Variants in YES1 observed in about 807,000 individuals in gnomAD.
YES1 encodes the protein YES proto-oncogene 1, Src family tyrosine kinase, also known as tyrosine-protein kinase Yes.
In YES1, 39 loss-of-function variants were observed where a neutral mutation model predicts 70.4. The observed-to-expected ratio is 0.55, with a 90% CI of 0.43 to 0.72. The LOEUF (loss-of-function observed/expected upper bound fraction) is 0.72. YES1 is among the 30% of genes least tolerant of loss of function. The pLI, the probability that YES1 is intolerant of heterozygous loss-of-function variation, is 0.00. For missense variants in YES1, 495 were observed against 644.8 expected, an observed-to-expected ratio of 0.77 and a Z score of 2.52; for synonymous variants, 198 against 218.6, an observed-to-expected ratio of 0.91 and a Z score of 0.83.
In YES1 at chr18:790,992, A is replaced by T. The variant is rs975118948; in HGVS notation, c.-9+21122T>A. 9.2e-5 allele frequency among the ~76,000 whole-genome samples: 14 copies of T among 152,220 alleles called. No homozygotes were observed. The East Asian group carries it at 2.3e-3, about 25-fold the overall frequency. On this transcript the variant is annotated intron_variant, in intron 1 of 11. Coordinates refer to ENST00000314574, the MANE Select transcript of YES1 (RefSeq NM_005433.4). ...AGGCTGGGTGCAGTGGCTCAAGCCT[A>T]TAATCCCAGCATTTTGGAAGGCCAG...
intron 1 of YES1, among the ~76,000 whole-genome samples, chr18:783,576 C>G (rs986125278): frequency 3.3e-5 from 5 of 151,876 alleles, no homozygotes; most frequent in South Asian, 2.1e-4. Flanking sequence ...TTCCCTACCC[C>G]CAACAGATTT....
chr18:785,862 C>T (rs1313362243), intron 1 of YES1, among the ~76,000 whole-genome samples: 5 of 151,998 alleles, frequency 3.3e-5, no homozygotes, highest in African/African-American at 1.2e-4. Flanking sequence ...CACTTGAGGC[C>T]AGGAGTTCAA....
intron 1 of YES1, among the ~76,000 whole-genome samples, chr18:799,863 C>G (rs895542149): frequency 6.6e-6 from 1 of 151,352 alleles, no homozygotes; most frequent in African/African-American, 2.4e-5. Flanking sequence ...CCAGCCTGGG[C>G]TAAAGAACGA....
chr18:785,340 T>C (rs1905880360), intron 1 of YES1, among the ~76,000 whole-genome samples: 1 of 152,130 alleles, frequency 6.6e-6, no homozygotes, highest in Non-Finnish European at 1.5e-5. Context: ...AAATAGGTCT[T>C]AAAAGGAAAC....
At position 804,915 on chromosome 18, in the gene YES1, A is replaced by AAAAAAAAAAC. The variant is rs1907018487; in HGVS notation, c.-9+7198_-9+7199insGTTTTTTTTT. Among the ~76,000 whole-genome samples, 2 of 151,372 alleles carry AAAAAAAAAAC rather than the reference A, an allele frequency of 1.3e-5. 1 individual carries two copies. Among genetic ancestry groups the AAAAAAAAAAC allele is most frequent in the African/African-American group, 4.8e-5 (2 of 41,242 alleles). On this transcript the variant is annotated intron_variant, in intron 1 of 11. Coordinates refer to ENST00000314574, the MANE Select transcript of YES1 (RefSeq NM_005433.4). Reference sequence around the variant, plus strand: ...GGCGACAGAGTGAGACTCTGACTCAAAAAAAAAAAACACAAACCAAAAACC... The same window carrying AAAAAAAAAAC: ...GGCGACAGAGTGAGACTCTGACTCAAAAAAAAAAACAAAAAAAAAACACAAACCAAAAACC...
chr18:723,394 C>CAA lies in YES1; in HGVS notation c.*1029_*1030insTT, dbSNP rs56342716. ...ATCCCTCTAACTTGTAAAACTTTCA[C>CAA]TTTCTTTTCTCGTATTTCTTTTAAA... On this transcript the variant is annotated 3_prime_UTR_variant, in exon 12 of 12. Transcript: ENST00000314574. 6.6e-6 allele frequency: 1 copy of CAA among 152,140 alleles called. No homozygotes were observed. Among genetic ancestry groups the CAA allele is most frequent in the Non-Finnish European group, 1.5e-5 (1 of 67,920 alleles). The allele number at this position is 152,140 out of a possible 1,614,324, so 9.4% of individuals were successfully genotyped here. A position where few individuals can be genotyped will look rare whatever the true frequency, so the allele number is the denominator to read the frequency against.
At chr18:762,258 T>A (rs959911162) in intron 1 of YES1, among the ~76,000 whole-genome samples, 11 of 152,196 alleles carry the variant, frequency 7.2e-5, no homozygotes, top group Admixed American at 7.2e-4. Context: ...AGGCAGAGGC[T>A]GCGGTGAGCC....
intron 1 of YES1, among the ~76,000 whole-genome samples, chr18:785,584 C>A (rs555707650): frequency 6.6e-6 from 1 of 152,230 alleles, no homozygotes; most frequent in East Asian, 1.9e-4. Context: ...TTTGAATATG[C>A]ACCCAAAGTT....
rs193091140 is a variant in YES1 at position 743,475 on chromosome 18, G to A, written c.725-60C>T. On this transcript the variant is annotated intron_variant, in intron 6 of 11. Coordinates refer to ENST00000314574, the MANE Select transcript of YES1 (RefSeq NM_005433.4). ...TTACAAAAATTAAGGGGCATATAGT[G>A]TATCAATGTTTTAAGTTTAAACTGT... 2.1e-3 allele frequency: 2,885 copies of A among 1,351,654 alleles called. 5 individuals are homozygous for A. Among genetic ancestry groups the A allele is most frequent in the Middle Eastern group, 6.3e-3 (25 of 3,950 alleles). 83.7% of individuals were successfully genotyped at this position (1,351,654 alleles called of 1,614,324 possible).
chr18:791,732 T>C (rs1405678774), intron 1 of YES1, among the ~76,000 whole-genome samples: 1 of 152,192 alleles, frequency 6.6e-6, no homozygotes, highest in Non-Finnish European at 1.5e-5. Flanking sequence ...AGTTGAATTA[T>C]TCTACATTCT....
chr18:743,499 G>A, intron 6 of YES1, 84 bp from the exon 7 acceptor site: 2 of 1,167,094 alleles, frequency 1.7e-6, no homozygotes, highest in South Asian at 2.4e-5. Context: ...AGTTTAAACT[G>A]TAGAAAAACA....
chr18:763,965 G>GA (rs1454948029), intron 1 of YES1, among the ~76,000 whole-genome samples: 2 of 151,472 alleles, frequency 1.3e-5, no homozygotes, highest in African/African-American at 2.4e-5. Flanking sequence ...ACAAAAAATA[G>GA]AAAAAATCAG....
At chr18:767,164 A>AT (rs967354332) in intron 1 of YES1, among the ~76,000 whole-genome samples, 4 of 151,924 alleles carry the variant, frequency 2.6e-5, no homozygotes, top group Non-Finnish European at 5.9e-5. Context: ...TTCAAAAAAA[A>AT]TTTTTTTTGA....
chr18:807,050 G>C (rs1907135172), intron 1 of YES1, among the ~76,000 whole-genome samples: 1 of 152,206 alleles, frequency 6.6e-6, no homozygotes, highest in African/African-American at 2.4e-5. Flanking sequence ...CAGGTGGACT[G>C]CTGGAGCCTA....
chr18:772,199 T>C (rs1905191510), intron 1 of YES1, among the ~76,000 whole-genome samples: 1 of 151,560 alleles, frequency 6.6e-6, no homozygotes, highest in Non-Finnish European at 1.5e-5. Flanking sequence ...CCAGCTAATT[T>C]TGTATTTTCA....
At chr18:737,089 G>T in intron 9 of YES1, 128 bp from the exon 10 acceptor site, 1 of 780,388 alleles carries the variant, frequency 1.3e-6, no homozygotes, top group Non-Finnish European at 2.0e-6. Context: ...GATGGTAACA[G>T]GGTATAGTCT....
intron 1 of YES1, among the ~76,000 whole-genome samples, chr18:786,017 G>A (rs551889673): frequency 1.3e-5 from 2 of 152,294 alleles, no homozygotes; most frequent in East Asian, 3.9e-4. Flanking sequence ...ACAGCAAGAA[G>A]AAGGCCCTTG....
chr18:804,558 C>T (rs185803922), intron 1 of YES1, among the ~76,000 whole-genome samples: 4 of 131,774 alleles, frequency 3.0e-5, no homozygotes, highest in African/African-American at 1.2e-4. Flanking sequence ...TGCAGTGAGC[C>T]GAGATTGCAC....
rs936318410 is a variant in YES1, at chr18:724,149, C to G, written c.*275G>C. The G allele has an allele frequency of 6.3e-6, 2 of 316,460 alleles. No homozygotes were observed. Among genetic ancestry groups the G allele is most frequent in the African/African-American group, 4.2e-5 (2 of 47,672 alleles). The allele number at this position is 316,460 out of a possible 1,614,324, so 19.6% of individuals were successfully genotyped here. On this transcript the variant is annotated 3_prime_UTR_variant, in exon 12 of 12. Transcript: ENST00000314574. Reference sequence around the variant, plus strand: ...GATTTATAAATAAGCAGGAGCCTCACTGTCCTTCATTACCATGCTGTCACC... The same window carrying G: ...GATTTATAAATAAGCAGGAGCCTCAGTGTCCTTCATTACCATGCTGTCACC...
Sources: allele counts gnomAD v4.1 joint callset (sites outside exome capture counted in the v4.1 genomes callset), GRCh38; gene constraint gnomAD v4.1.1; transcripts MANE v1.5; gene names NCBI Gene and HGNC (gene_info 2026-07-23, HGNC 2026-07-21).